Variants in SUGCT observed in about 807,000 individuals in gnomAD.
The protein encoded by SUGCT is succinyl-CoA:glutarate CoA-transferase.
Under a neutral mutation model 55.0 loss-of-function variants are expected in SUGCT, and 41 were observed. The ratio of observed to expected loss-of-function variants is 0.74; its 90% CI spans 0.58 to 0.97. The LOEUF is 0.97. Among genes scored for constraint, SUGCT ranks in the 50% least tolerant of loss-of-function variants. SUGCT has a pLI of 0.00. For missense variants in SUGCT, 568 were observed against 547.8 expected, an observed-to-expected ratio of 1.04 and a Z score of -0.37; for synonymous variants, 187 against 200.4, an observed-to-expected ratio of 0.93 and a Z score of 0.56.
At chr7:40,787,481 TCTCAGAGAAAAGTAG>T in intron 13 of SUGCT, among the ~76,000 whole-genome samples, 1 of 93,568 alleles carries the variant, frequency 1.1e-5, no homozygotes, top group Non-Finnish European at 2.4e-5. Flanking sequence ...AAAAGTAAGA[TCTCAGAGAAAAGTAG>T]ATATTGGAGA....
the SUGCT span, among the ~76,000 whole-genome samples, chr7:40,923,751 T>C: frequency 2.0e-5 from 3 of 152,206 alleles, no homozygotes; most frequent in Non-Finnish European, 4.4e-5. Flanking sequence ...AGTTATCTTC[T>C]CTGCTTTTCT....
chr7:40,168,529 G>A (rs1784526760), intron 1 of SUGCT, among the ~76,000 whole-genome samples: 1 of 152,202 alleles, frequency 6.6e-6, no homozygotes, highest in Non-Finnish European at 1.5e-5. Flanking sequence ...GGATTGAAAT[G>A]TATGGCCTGC....
At chr7:40,146,627 G>A (rs1352203804) in intron 1 of SUGCT, among the ~76,000 whole-genome samples, 1 of 152,258 alleles carries the variant, frequency 6.6e-6, no homozygotes, top group Non-Finnish European at 1.5e-5. Flanking sequence ...GATCGCTCAT[G>A]CTATTGTTTG....
chr7:40,641,269 G>A (rs574543677), intron 12 of SUGCT, among the ~76,000 whole-genome samples: 70 of 152,210 alleles, frequency 4.6e-4, no homozygotes, highest in Non-Finnish European at 8.8e-4. Context: ...TAGTTTTTCT[G>A]TATTCTATAA....
intron 9 of SUGCT, among the ~76,000 whole-genome samples, chr7:40,413,717 A>G (rs1786818225): frequency 6.6e-6 from 1 of 152,196 alleles, no homozygotes; most frequent in Non-Finnish European, 1.5e-5. Context: ...TTACAAATTA[A>G]TAAGGGAAGC....
chr7:40,937,702 T>C, the SUGCT span, among the ~76,000 whole-genome samples: 3 of 152,190 alleles, frequency 2.0e-5, no homozygotes, highest in African/African-American at 4.8e-5. Flanking sequence ...TTGCCTGATA[T>C]TAGTATGTCC....
At chr7:40,347,545 A>C (rs550666666) in intron 9 of SUGCT, among the ~76,000 whole-genome samples, 1 of 152,344 alleles carries the variant, frequency 6.6e-6, no homozygotes, top group African/African-American at 2.4e-5. Flanking sequence ...GAATTGAAGA[A>C]AAATTGTTAA....
chr7:40,461,196 A>G (rs909795482), intron 11 of SUGCT, among the ~76,000 whole-genome samples: 2 of 152,132 alleles, frequency 1.3e-5, no homozygotes, highest in African/African-American at 4.8e-5. Context: ...TATTTTTCTG[A>G]ACAAATATCA....
intron 12 of SUGCT, among the ~76,000 whole-genome samples, chr7:40,645,703 A>G (rs1286618762): frequency 2.0e-5 from 3 of 151,838 alleles, no homozygotes; most frequent in Non-Finnish European, 4.4e-5. Flanking sequence ...TCTCTAGGTC[A>G]TATCAGTCTC....
At chr7:40,165,254 A>G (rs1352208258) in intron 1 of SUGCT, among the ~76,000 whole-genome samples, 3 of 152,054 alleles carry the variant, frequency 2.0e-5, no homozygotes, top group African/African-American at 7.2e-5. Flanking sequence ...TTTTTTTTTA[A>G]TCTCAATAGT....
intron 12 of SUGCT, among the ~76,000 whole-genome samples, chr7:40,525,335 C>T (rs543532883): frequency 6.6e-6 from 1 of 152,096 alleles, no homozygotes; most frequent in South Asian, 2.1e-4. Context: ...AAGGAAAGAG[C>T]CGGAGATAAA....
chr7:40,760,952 A>G (rs553922491), intron 13 of SUGCT, among the ~76,000 whole-genome samples: 4 of 152,392 alleles, frequency 2.6e-5, no homozygotes, highest in Non-Finnish European at 5.9e-5. Flanking sequence ...ATAAACTCGT[A>G]GCTTCATCTA....
chr7:40,278,376 C>A (rs543678369), intron 8 of SUGCT, among the ~76,000 whole-genome samples: 1 of 152,134 alleles, frequency 6.6e-6, no homozygotes, highest in South Asian at 2.1e-4. Context: ...GGCGATTCCT[C>A]AGGGATCTAG....
At chr7:40,250,416 A>T (rs1162968381) in intron 7 of SUGCT, among the ~76,000 whole-genome samples, 1 of 151,334 alleles carries the variant, frequency 6.6e-6, no homozygotes, top group Non-Finnish European at 1.5e-5. Context: ...TTTTAAAGTA[A>T]TTATTCTTAT....
downstream of SUGCT, among the ~76,000 whole-genome samples, chr7:40,864,911 C>A (rs1584556767): frequency 6.6e-6 from 1 of 152,128 alleles, no homozygotes; most frequent in East Asian, 1.9e-4. Context: ...TCATGTGAAG[C>A]AGCTCCTTTT....
At chr7:40,577,277 C>T (rs578231750) in intron 12 of SUGCT, among the ~76,000 whole-genome samples, 71 of 152,140 alleles carry the variant, frequency 4.7e-4, no homozygotes, top group African/African-American at 1.7e-3. Context: ...AAAACTCATG[C>T]ATGTCTACTC....
intron 12 of SUGCT, among the ~76,000 whole-genome samples, chr7:40,636,462 A>G (rs1243514339): frequency 6.6e-6 from 1 of 152,160 alleles, no homozygotes; most frequent in African/African-American, 2.4e-5. Flanking sequence ...TTCATTAGGA[A>G]TGTGTCACTA....
rs562526176 is a variant in SUGCT at position 40,179,005 on chromosome 7, C to T, written c.101-1942C>T. ...TTTCTGCCTTTCTATAATATTTTTC[C>T]TTCTATCATATTTTTAAGTGTCAAG... On this transcript the variant is annotated intron_variant, in intron 1 of 13. Coordinates refer to ENST00000335693, the MANE Select transcript of SUGCT (RefSeq NM_001193313.2). Among the ~76,000 whole-genome samples, 5 of 150,728 alleles carry T rather than the reference C, an allele frequency of 3.3e-5. No homozygotes were observed. In the South Asian group the frequency reaches 1.0e-3, roughly 32 times the overall value.
the SUGCT span, among the ~76,000 whole-genome samples, chr7:40,989,844 A>G: frequency 6.6e-6 from 1 of 152,212 alleles, no homozygotes; most frequent in Non-Finnish European, 1.5e-5. Flanking sequence ...GCAGAAATTT[A>G]GTCACTTCTT....
Sources: allele counts gnomAD v4.1 joint callset (sites outside exome capture counted in the v4.1 genomes callset), GRCh38; gene constraint gnomAD v4.1.1; transcripts MANE v1.5; gene names NCBI Gene and HGNC (gene_info 2026-07-23, HGNC 2026-07-21).